Variants in PACRG observed in about 807,000 individuals in gnomAD.
The protein encoded by PACRG is parkin coregulated gene protein.
A neutral mutation model predicts 29.7 loss-of-function variants in PACRG; 29 were observed. That is an observed-to-expected ratio of 0.98 (90% CI 0.73 to 1.33). The LOEUF is 1.33. PACRG is among the 40% of genes most tolerant of loss of function. The probability of loss-of-function intolerance (pLI) is 0.00; values close to 1 mark genes in which losing one functional copy is unlikely to be tolerated. For missense variants in PACRG, 279 were observed against 316.2 expected (o/e 0.88, Z 0.89); for synonymous variants, 116 against 118.7 (o/e 0.98, Z 0.15).
intron 4 of PACRG, among the ~76,000 whole-genome samples, chr6:163,184,382 T>C (rs1184286595): frequency 1.3e-5 from 2 of 152,216 alleles, no homozygotes; most frequent in Non-Finnish European, 2.9e-5. Context: ...CTGTCCATAC[T>C]AGCTCAGTAA....
In PACRG at chr6:163,027,967, G is replaced by C. The variant is rs1002094866; in HGVS notation, c.292-34183G>C. Among the ~76,000 whole-genome samples, 7 of 152,166 alleles carry C rather than the reference G, an allele frequency of 4.6e-5. 1 individual carries two copies. The highest frequency in any genetic ancestry group is 2.1e-4 in the South Asian group (1 of 4,820). ...TTCAGCACTGGCTTCCCAGATCTCTGTGCAGCACTGCACAAGCCAGGGAAG... is the reference window on the plus strand; with the variant it reads ...TTCAGCACTGGCTTCCCAGATCTCTCTGCAGCACTGCACAAGCCAGGGAAG... On this transcript the variant is annotated intron_variant, in intron 2 of 4. Coordinates refer to ENST00000366888, the MANE Select transcript of PACRG (RefSeq NM_001080379.2).
At chr6:163,019,280 G>A (rs539264640) in intron 2 of PACRG, among the ~76,000 whole-genome samples, 6 of 152,098 alleles carry the variant, frequency 3.9e-5, no homozygotes, top group Non-Finnish European at 8.8e-5. Flanking sequence ...TAACTTTTCT[G>A]GTTCACAGCT....
intron 2 of PACRG, among the ~76,000 whole-genome samples, chr6:162,949,138 A>G (rs1799460741): frequency 2.0e-5 from 3 of 152,188 alleles, no homozygotes; most frequent in South Asian, 2.1e-4. Flanking sequence ...AATGTAGTAC[A>G]TATACATGGA....
intron 4 of PACRG, among the ~76,000 whole-genome samples, chr6:163,155,750 A>T (rs903554361): frequency 5.3e-5 from 8 of 152,202 alleles, no homozygotes; most frequent in Non-Finnish European, 1.0e-4. Context: ...CAGAAGCCCT[A>T]GCTGAGTCTC....
At chr6:163,277,364 C>G (rs1441046784) in intron 4 of PACRG, among the ~76,000 whole-genome samples, 1 of 151,872 alleles carries the variant, frequency 6.6e-6, no homozygotes, top group African/African-American at 2.4e-5. Flanking sequence ...GTTTGGTTTT[C>G]CATTCCTGAA....
At chr6:162,814,420 A>G (rs1000794625) in intron 2 of PACRG, 139 bp downstream of exon 2, 8 of 1,099,194 alleles carry the variant, frequency 7.3e-6, no homozygotes, top group African/African-American at 1.6e-5. Context: ...GCTCTTAGAG[A>G]AAGCCCCCCT....
chr6:163,279,623 C>T (rs1784160494), intron 4 of PACRG, among the ~76,000 whole-genome samples: 1 of 152,100 alleles, frequency 6.6e-6, no homozygotes, highest in African/African-American at 2.4e-5. Context: ...GCTTTAAGGG[C>T]TCTTAATATT....
chr6:163,240,588 G>A (rs949041597), intron 4 of PACRG, among the ~76,000 whole-genome samples: 3 of 152,044 alleles, frequency 2.0e-5, no homozygotes, highest in African/African-American at 4.8e-5. Flanking sequence ...GAGAGGGCTC[G>A]TACCCTCCTG....
At chr6:163,104,708 A>G (rs1163778238) in intron 4 of PACRG, among the ~76,000 whole-genome samples, 1 of 152,234 alleles carries the variant, frequency 6.6e-6, no homozygotes, top group Non-Finnish European at 1.5e-5. Context: ...TCATTTCTAA[A>G]TGTAATCCTT....
chr6:163,059,206 A>G (rs947288589), intron 2 of PACRG, among the ~76,000 whole-genome samples: 1 of 152,152 alleles, frequency 6.6e-6, no homozygotes, highest in Admixed American at 6.5e-5. Context: ...CTCTTTCTCA[A>G]TCTCTCTCAC....
intron 2 of PACRG, among the ~76,000 whole-genome samples, chr6:162,948,028 C>G (rs1420000795): frequency 1.3e-5 from 2 of 151,656 alleles, no homozygotes; most frequent in Non-Finnish European, 1.5e-5. Flanking sequence ...TCATTTTTCA[C>G]AGAAAGAAAA....
At chr6:162,911,716 T>C (rs1796314852) in intron 2 of PACRG, among the ~76,000 whole-genome samples, 1 of 152,124 alleles carries the variant, frequency 6.6e-6, no homozygotes, top group African/African-American at 2.4e-5. Flanking sequence ...TCAGGATAAT[T>C]CATTCAAAGA....
chr6:162,841,659 G>GCT (rs1164214301), intron 2 of PACRG, among the ~76,000 whole-genome samples: 1 of 146,216 alleles, frequency 6.8e-6, no homozygotes, highest in East Asian at 2.1e-4. Flanking sequence ...GTTTGCTCTT[G>GCT]CTTTTCTAGT....
At chr6:163,165,199 G>A (rs1778741132) in intron 4 of PACRG, among the ~76,000 whole-genome samples, 1 of 152,228 alleles carries the variant, frequency 6.6e-6, no homozygotes, top group Non-Finnish European at 1.5e-5. Flanking sequence ...GCCCTCCAGA[G>A]GAGTGACAGT....
chr6:162,780,559 T>G (rs1307987902), intron 1 of PACRG, among the ~76,000 whole-genome samples: 1 of 152,044 alleles, frequency 6.6e-6, no homozygotes, highest in Non-Finnish European at 1.5e-5. Flanking sequence ...AAATACAGCC[T>G]AAAATAAAGA....
At chr6:162,856,846 C>A (rs1438958185) in intron 2 of PACRG, among the ~76,000 whole-genome samples, 4 of 152,172 alleles carry the variant, frequency 2.6e-5, no homozygotes, top group African/African-American at 9.7e-5. Context: ...TTATTTCCCC[C>A]TGAATTTTGT....
chr6:162,810,514 T>C lies in PACRG; in HGVS notation c.157-3633T>C, dbSNP rs142791935. Among the ~76,000 whole-genome samples, 537 of 152,296 alleles carry C rather than the reference T, an allele frequency of 3.5e-3. 3 individuals are homozygous for C. Among genetic ancestry groups the C allele is most frequent in the African/African-American group, 0.012 (498 of 41,566 alleles). Reference sequence around the variant, plus strand: ...AAATGTCTAGGGAAGAATTTTAAATTAGTTACTTCCAAAAATGCTTTTATG... The same window carrying C: ...AAATGTCTAGGGAAGAATTTTAAATCAGTTACTTCCAAAAATGCTTTTATG... On this transcript the variant is annotated intron_variant, in intron 1 of 4. Coordinates refer to ENST00000366888, the MANE Select transcript of PACRG (RefSeq NM_001080379.2).
intron 4 of PACRG, among the ~76,000 whole-genome samples, chr6:163,200,880 A>G (rs772425380): frequency 6.6e-6 from 1 of 152,090 alleles, no homozygotes; most frequent in Non-Finnish European, 1.5e-5. Context: ...GTGCTTGGGA[A>G]GCGCCCTGCA....
chr6:163,011,056 C>G (rs1805566195), intron 2 of PACRG, among the ~76,000 whole-genome samples: 1 of 149,226 alleles, frequency 6.7e-6, no homozygotes, highest in Non-Finnish European at 1.5e-5. Flanking sequence ...ATTTATCAAT[C>G]AGGTGAATTA....
Sources: gnomAD v4.1 joint callset for allele counts (sites outside exome capture counted in the v4.1 genomes callset) on GRCh38, gnomAD v4.1.1 for gene constraint, MANE v1.5 for transcripts, NCBI Gene and HGNC (gene_info 2026-07-23, HGNC 2026-07-21) for gene names.